The following HERC2 variants were observed in gnomAD, a reference collection of about 807,000 sequenced individuals.
The protein encoded by HERC2 is HECT and RLD domain containing E3 ubiquitin protein ligase 2.
A neutral mutation model predicts 537.7 loss-of-function variants in HERC2; 102 were observed. That is an observed-to-expected ratio of 0.19 (90% confidence interval 0.16 to 0.22). HERC2 has a LOEUF of 0.22. Among genes scored for constraint, HERC2 ranks in the 10% least tolerant of loss-of-function variants. The pLI, the probability that HERC2 is intolerant of heterozygous loss-of-function variation, is 1.00. For synonymous variants in HERC2, 2,224 were observed against 2,466.2 expected (o/e 0.90, Z 2.91); for missense variants, 4,236 against 6,198.2 (o/e 0.68, Z 10.63).
chr15:28,246,191 TA>T, intron 22 of HERC2, 125 bp from the exon 23 acceptor site: 1 of 632,964 alleles, frequency 1.6e-6, no homozygotes, highest in Non-Finnish European at 2.6e-6. Flanking sequence ...AGCATATTTC[TA>T]AAGAATTATC....
Position 28,215,699 on chromosome 15 carries a change from G to A in HERC2, c.6132C>T (p.Ser2044=). 1 of 1,612,040 alleles carries A rather than the reference G, an allele frequency of 6.2e-7. No individual in the cohort carries two copies. The highest frequency in any genetic ancestry group is 8.5e-7 in the Non-Finnish European group (1 of 1,179,840). ...ALTPQVCGAL[S]SPQWITLLMK... is the part of the protein sequence containing the mutation. ...TGAGCAGCGTGATCCACTGCGGGGA[G>A]CTGAGGGCGCCGCATACCTGCGGCG... Residue 2044 remains serine (S), a synonymous_variant, in exon 39 of 93, where the codon AGC becomes AGT. Coordinates refer to ENST00000261609, the MANE Select transcript of HERC2 (RefSeq NM_004667.6).
chr15:28,112,126 A>G (rs986124280), intron 92 of HERC2, 91 bp from the exon 93 acceptor site: 15 of 1,293,986 alleles, frequency 1.2e-5, no homozygotes, highest in African/African-American at 1.0e-4. Flanking sequence ...TCACAAAACC[A>G]TATTTTTTGC....
chr15:28,139,896 T>TAAAA (rs758739007), intron 78 of HERC2, among the ~76,000 whole-genome samples: 2 of 125,910 alleles, frequency 1.6e-5, no homozygotes, highest in African/African-American at 6.4e-5. Flanking sequence ...CCATCTCTAC[T>TAAAA]AAAAAAAAAA....
intron 83 of HERC2, among the ~76,000 whole-genome samples, chr15:28,129,429 C>T (rs1051988101): frequency 2.0e-5 from 3 of 152,228 alleles, no homozygotes; most frequent in Admixed American, 6.5e-5. Flanking sequence ...GCTGATCACA[C>T]AGGCACCCCC....
At chr15:28,307,960 G>A (rs536597371) in intron 2 of HERC2, among the ~76,000 whole-genome samples, 2 of 152,252 alleles carry the variant, frequency 1.3e-5, no homozygotes, top group East Asian at 3.9e-4. Context: ...TAGCTCTGTA[G>A]TATAATTTGA....
At chr15:28,224,181 ACAG>A (rs1379574488) in intron 35 of HERC2, among the ~76,000 whole-genome samples, 46 of 149,784 alleles carry the variant, frequency 3.1e-4, no homozygotes, top group Non-Finnish European at 5.5e-4. Flanking sequence ...AGAGAGAGAA[ACAG>A]ACAGACAGAC....
At chr15:28,271,660 C>T (rs2075732231) in intron 9 of HERC2, among the ~76,000 whole-genome samples, 2 of 151,884 alleles carry the variant, frequency 1.3e-5, no homozygotes, top group Admixed American at 1.3e-4. Context: ...CAGAGCAAGA[C>T]TCCATCTAAG....
intron 38 of HERC2, among the ~76,000 whole-genome samples, chr15:28,216,141 A>T (rs1427503813): frequency 6.6e-6 from 1 of 152,036 alleles, no homozygotes. Flanking sequence ...CCTTCTAAGT[A>T]TGTGTAGTAA....
chr15:28,198,294 T>C (rs1456670401), intron 50 of HERC2, 84 bp downstream of exon 50: 28 of 1,444,922 alleles, frequency 1.9e-5, no homozygotes, highest in East Asian at 9.1e-5. Flanking sequence ...TTCTGTTTTG[T>C]GTGCTTGAAC....
chr15:28,318,749 T>C (rs1596476956), intron 2 of HERC2, among the ~76,000 whole-genome samples: 1 of 152,162 alleles, frequency 6.6e-6, no homozygotes, highest in Admixed American at 6.5e-5. Flanking sequence ...CGTATCCAAA[T>C]AATGTCTATG....
chr15:28,142,340 G>A lies in HERC2; in HGVS notation c.11598C>T (p.Ala3866=), dbSNP rs368888287. 2.0e-5 allele frequency: 33 copies of A among 1,613,894 alleles called. No individual in the cohort carries two copies. The highest frequency in any genetic ancestry group is 1.2e-4 in the African/African-American group (9 of 74,926). The part of the protein sequence containing the change: ...DLELDTLPCC[A]ETHKWAWFRR... Reference sequence around the variant, plus strand: ...GGAACCAGGCCCACTTGTGCGTCTCGGCACAGCAAGGCAGAGTGTCCAGCT... The same window carrying A: ...GGAACCAGGCCCACTTGTGCGTCTCAGCACAGCAAGGCAGAGTGTCCAGCT... Residue 3866 remains alanine (A), a synonymous_variant, in exon 76 of 93, where the codon GCC becomes GCT. Coordinates refer to ENST00000261609, the MANE Select transcript of HERC2 (RefSeq NM_004667.6).
At chr15:28,144,588 G>A (rs1324624182) in intron 72 of HERC2, 85 bp downstream of exon 72, 8 of 1,553,894 alleles carry the variant, frequency 5.1e-6, no homozygotes, top group East Asian at 4.5e-5. Flanking sequence ...CAGGCACTAC[G>A]TGGACATGTG....
rs550900361 is a variant in HERC2, at chr15:28,220,183, GCCA to G, written c.5845+266_5845+268del. ...CTGGTGGTGCAGCTGCCCCGGCCTG[GCCA>G]CCACATTCTCAAAGAGGGGCGGGTG... On this transcript the variant is annotated intron_variant, in intron 37 of 92. Transcript: ENST00000261609. 3.5e-4 allele frequency among the ~76,000 whole-genome samples: 54 copies of G among 152,284 alleles called. 1 individual carries two copies. The South Asian group carries it at 0.011, about 32-fold the overall frequency.
intron 30 of HERC2, among the ~76,000 whole-genome samples, chr15:28,231,419 G>A (rs1901829891): frequency 6.6e-6 from 1 of 152,144 alleles, no homozygotes; most frequent in South Asian, 2.1e-4. Flanking sequence ...GGACTTGCGA[G>A]GGACCACTTG....
At chr15:28,255,758 T>C in intron 19 of HERC2, 114 bp downstream of exon 19, 2 of 1,130,652 alleles carry the variant, frequency 1.8e-6, no homozygotes, top group South Asian at 3.2e-5. Context: ...TAAAAAATAC[T>C]TGGATATGAT....
chr15:28,250,076 G>A (rs1232155505), intron 20 of HERC2, among the ~76,000 whole-genome samples: 2 of 137,566 alleles, frequency 1.5e-5, no homozygotes, highest in Non-Finnish European at 3.1e-5. Context: ...GTTGAGCCAG[G>A]AGCACAGGTG....
chr15:28,283,334 G>A (rs1410838590), intron 4 of HERC2, among the ~76,000 whole-genome samples: 3 of 152,106 alleles, frequency 2.0e-5, no homozygotes, highest in East Asian at 3.9e-4. Flanking sequence ...CTTAACTATC[G>A]TGCATTAACA....
At position 28,186,584 on chromosome 15, in the gene HERC2, T is replaced by C; in HGVS notation, c.8818A>G (p.Ser2940Gly). The C allele has an allele frequency of 1.2e-6, 2 of 1,613,858 alleles. No homozygotes were observed. Among genetic ancestry groups the C allele is most frequent in the Non-Finnish European group, 1.7e-6 (2 of 1,179,882 alleles). Residue 2940 changes from serine to glycine, a missense_variant, in exon 56 of 93, where the codon AGC (serine) becomes GGC (glycine). Physicochemically the swap from Ser to Gly is moderately conservative, Grantham distance 56. Around this residue, in one of 27 missense-constraint regions of HERC2, gnomAD observed 606 missense variants for 884.5 expected, o/e 0.69. Transcript: ENST00000261609. ...NEEEEDEKGN[S>G]GSLIRKKAAG... ...GTAACAAATGGTTCTCACCTTCCGC[T>C]GTTGCCTTTCTCATCCTCCTCCTCT... is the stretch of plus-strand genomic sequence containing the variant.
chr15:28,215,021 C>A (rs1370117838), intron 39 of HERC2, among the ~76,000 whole-genome samples: 1 of 152,062 alleles, frequency 6.6e-6, no homozygotes, highest in Non-Finnish European at 1.5e-5. Context: ...ATTACAGGCA[C>A]CCACCACCAA....
Sources: allele counts gnomAD v4.1 joint callset (sites outside exome capture counted in the v4.1 genomes callset), GRCh38; gene constraint gnomAD v4.1.1; regional missense constraint gnomAD v4.1.1; transcripts MANE v1.5; gene names NCBI Gene and HGNC (gene_info 2026-07-23, HGNC 2026-07-21).